The following CNKSR1 variants were observed in gnomAD, a reference collection of about 807,000 sequenced individuals.
CNKSR1 encodes connector enhancer of kinase suppressor of Ras 1, also known as CNK homolog protein 1.
A neutral mutation model predicts 95.6 loss-of-function variants in CNKSR1; 88 were observed. The observed-to-expected ratio is 0.92, with a 90% CI of 0.78 to 1.10. The LOEUF is 1.10. Among genes scored for constraint, CNKSR1 ranks in the 50% least tolerant of loss-of-function variants. The pLI, the probability that CNKSR1 is intolerant of heterozygous loss-of-function variation, is 0.00. For synonymous variants in CNKSR1, 355 were observed against 369.7 expected (o/e 0.96, Z 0.46); for missense variants, 836 against 912.0 (o/e 0.92, Z 1.07).
intron 1 of CNKSR1, among the ~76,000 whole-genome samples, chr1:26,179,699 A>C (rs575287392): frequency 6.6e-6 from 1 of 152,336 alleles, no homozygotes; most frequent in African/African-American, 2.4e-5. Flanking sequence ...TTCTCACATT[A>C]CAGGTGAGAA....
intron 1 of CNKSR1, among the ~76,000 whole-genome samples, chr1:26,178,511 T>C (rs2088597584): frequency 6.6e-6 from 1 of 152,054 alleles, no homozygotes; most frequent in Non-Finnish European, 1.5e-5. Flanking sequence ...AGGAAGGGCC[T>C]CCTGACACAC....
Position 26,180,810 on chromosome 1 carries a change from G to T in CNKSR1, c.306G>T (p.Gly102=). Residue 102 remains glycine, a synonymous_variant, in exon 3 of 21, where the codon GGG becomes GGT. Coordinates refer to ENST00000361530, the MANE Select transcript of CNKSR1 (RefSeq NM_006314.3). Reference sequence around the variant, plus strand: ...AGAGCATAGTCCAAGGCTGCCTGGGGGACTGTGCCAAGACCCCTATTGATG... The same window carrying T: ...AGAGCATAGTCCAAGGCTGCCTGGGTGACTGTGCCAAGACCCCTATTGATG... ...DFQSIVQGCL[G]DCAKTPIDVL... is the part of the protein sequence containing the mutation. 3 of 1,614,212 alleles carry T rather than the reference G, an allele frequency of 1.9e-6. No homozygotes were observed. The highest frequency in any genetic ancestry group is 2.5e-6 in the Non-Finnish European group (3 of 1,180,040).
chr1:26,179,314 T>C (rs1315248073), intron 1 of CNKSR1, among the ~76,000 whole-genome samples: 2 of 152,062 alleles, frequency 1.3e-5, no homozygotes, highest in Non-Finnish European at 2.9e-5. Flanking sequence ...GAGCCCTCCA[T>C]CCCACTCAGC....
At chr1:26,181,767 C>T in intron 3 of CNKSR1, 90 bp from the exon 4 acceptor site, 1 of 1,275,886 alleles carries the variant, frequency 7.8e-7, no homozygotes, top group Admixed American at 1.7e-5. Context: ...GGTATTATCC[C>T]CAAGTCTCTG....
At chr1:26,187,364 T>G in intron 15 of CNKSR1, 47 bp from the exon 16 acceptor site, 6 of 1,606,056 alleles carry the variant, frequency 3.7e-6, no homozygotes, top group Non-Finnish European at 5.1e-6. Context: ...CTCTGGGCTG[T>G]GGGTGGGCAC....
chr1:26,179,477 G>A (rs1557618725), intron 1 of CNKSR1, among the ~76,000 whole-genome samples: 1 of 152,210 alleles, frequency 6.6e-6, no homozygotes, highest in Non-Finnish European at 1.5e-5. Context: ...CTGTGCATCT[G>A]AAATGTTGAG....
chr1:26,185,800 G>A (rs1327514398), intron 14 of CNKSR1, among the ~76,000 whole-genome samples: 1 of 152,030 alleles, frequency 6.6e-6, no homozygotes. Flanking sequence ...CAGAATGCTG[G>A]GATTATAGGC....
In CNKSR1 at chr1:26,188,654, C is replaced by A. The variant is rs1038127658; in HGVS notation, c.1647C>A (p.Thr549=). 90 of 1,613,778 alleles carry A rather than the reference C, an allele frequency of 5.6e-5. No homozygotes were observed. The highest frequency in any genetic ancestry group is 7.5e-5 in the Non-Finnish European group (89 of 1,179,932). Residue 549 remains threonine, a synonymous_variant, in exon 19 of 21, where the codon ACC becomes ACA. Coordinates refer to ENST00000361530, the MANE Select transcript of CNKSR1 (RefSeq NM_006314.3). ...ATGGAGACACATCACCTGCAGCCAC[C>A]CCCACACAGCGCAGCCCACGGACCT... ...PLHGDTSPAA[T]PTQRSPRTSF...
chr1:26,177,629 G>A, intron 1 of CNKSR1, 30 bp downstream of exon 1: 1 of 1,613,426 alleles, frequency 6.2e-7, no homozygotes, highest in Admixed American at 1.7e-5. Context: ...AGTTGGGCTT[G>A]AAGGGGACTA....
chr1:26,187,569 C>T, intron 16 of CNKSR1, 87 bp downstream of exon 16: 1 of 1,174,380 alleles, frequency 8.5e-7, no homozygotes, highest in Non-Finnish European at 1.3e-6. Context: ...CCTGGAGATA[C>T]AAATTCCAGC....
At chr1:26,183,857 T>G in intron 9 of CNKSR1, 27 bp downstream of exon 9, 1 of 614,588 alleles carries the variant, frequency 1.6e-6, no homozygotes, top group Non-Finnish European at 2.4e-6. Flanking sequence ...CCCCCCGACC[T>G]GCCTTCAGAC....
chr1:26,188,146 A>G (rs1409029132), intron 16 of CNKSR1, 88 bp from the exon 17 acceptor site: 2 of 1,100,588 alleles, frequency 1.8e-6, no homozygotes, highest in African/African-American at 1.5e-5. Context: ...TCTGAGGATC[A>G]TTAGAAGATG....
intron 13 of CNKSR1, 91 bp from the exon 14 acceptor site, chr1:26,184,923 C>T (rs758299371): frequency 9.4e-5 from 123 of 1,313,236 alleles, no homozygotes; most frequent in Non-Finnish European, 1.1e-4. Flanking sequence ...TCAGAGATCT[C>T]ACTTGGGGAT....
rs1375527988 is a variant in CNKSR1, at chr1:26,180,699, C to T, written c.211-16C>T. On this transcript the variant is annotated splice_polypyrimidine_tract_variant and intron_variant, in intron 2 of 20. Coordinates refer to ENST00000361530, the MANE Select transcript of CNKSR1 (RefSeq NM_006314.3). ...GGCTGCTGCCAGGGAGGTGACTTGC[C>T]CTCTTTCTGGCACAGAGCTCCAGGC... 1 of 1,613,886 alleles carries T rather than the reference C, an allele frequency of 6.2e-7. No individual in the cohort carries two copies. The highest frequency in any genetic ancestry group is 8.5e-7 in the Non-Finnish European group (1 of 1,179,942).
At chr1:26,181,529 TAATA>T (rs962157177) in intron 3 of CNKSR1, 13 of 299,160 alleles carry the variant, frequency 4.3e-5, no homozygotes, top group African/African-American at 2.8e-4. Flanking sequence ...GCTATACTAT[TAATA>T]AATAATAAAT....
rs751475969 is a variant in CNKSR1, at chr1:26,188,583, C to T, written c.1591-15C>T. ...CTCAGACAGAAACCCTCTGTGCTTT[C>T]CACCCTGCCTGCAGCCCAGCCCTGC... On this transcript the variant is annotated splice_polypyrimidine_tract_variant and intron_variant, in intron 18 of 20. Coordinates refer to ENST00000361530, the MANE Select transcript of CNKSR1 (RefSeq NM_006314.3). 81 of 1,613,260 alleles carry T rather than the reference C, an allele frequency of 5.0e-5. 1 individual carries two copies. The highest frequency in any genetic ancestry group is 6.6e-5 in the Non-Finnish European group (78 of 1,179,712).
At chr1:26,182,093 A>G (rs1469786695) in intron 4 of CNKSR1, 152 bp downstream of exon 4, 6 of 828,194 alleles carry the variant, frequency 7.2e-6, no homozygotes, top group Middle Eastern at 3.3e-4. Context: ...GTATGGGACA[A>G]TGGGGCCTGG....
chr1:26,187,122 A>G, intron 14 of CNKSR1, 46 bp from the exon 15 acceptor site: 2 of 1,488,232 alleles, frequency 1.3e-6, no homozygotes, highest in Non-Finnish European at 1.9e-6. Context: ...CTGGGCCTTG[A>G]GGGTATTGGG....
intron 14 of CNKSR1, among the ~76,000 whole-genome samples, chr1:26,185,593 C>T (rs192046049): frequency 2.6e-5 from 4 of 152,018 alleles, no homozygotes; most frequent in South Asian, 2.1e-4. Context: ...AGGGTTTCAC[C>T]GTGTTAGCCA....
Sources: allele counts gnomAD v4.1 joint callset (sites outside exome capture counted in the v4.1 genomes callset), GRCh38; gene constraint gnomAD v4.1.1; transcripts MANE v1.5; gene names NCBI Gene and HGNC (gene_info 2026-07-23, HGNC 2026-07-21).